The following CAB39L variants were observed in gnomAD, a reference collection of about 807,000 sequenced individuals.
CAB39L encodes calcium-binding protein 39-like.
In CAB39L, 23 loss-of-function variants were observed where a neutral mutation model predicts 39.1. The ratio of observed to expected loss-of-function variants is 0.59; its 90% CI spans 0.42 to 0.83. The LOEUF (loss-of-function observed/expected upper bound fraction) is 0.83. CAB39L is among the 40% of genes least tolerant of loss of function. The pLI is 0.00. For synonymous variants in CAB39L, 126 were observed against 137.2 expected, an observed-to-expected ratio of 0.92 and a Z score of 0.57; for missense variants, 366 against 391.9, an observed-to-expected ratio of 0.93 and a Z score of 0.56.
At chr13:49,348,440 C>T (rs914823785) in intron 7 of CAB39L, among the ~76,000 whole-genome samples, 1 of 152,088 alleles carries the variant, frequency 6.6e-6, no homozygotes, top group African/African-American at 2.4e-5. Flanking sequence ...TGGTGGTATG[C>T]GCCCGTGGTC....
chr13:49,422,178 C>A (rs1431384293), intron 3 of CAB39L, among the ~76,000 whole-genome samples: 4 of 152,140 alleles, frequency 2.6e-5, no homozygotes, highest in Non-Finnish European at 4.4e-5. Context: ...TGCACTTATA[C>A]AGTAAAAGCC....
chr13:49,407,532 G>A (rs1032502988), intron 3 of CAB39L, among the ~76,000 whole-genome samples: 1 of 151,544 alleles, frequency 6.6e-6, no homozygotes, highest in African/African-American at 2.4e-5. Context: ...GGTTTGTCAT[G>A]ATCCCCCCCC....
intron 9 of CAB39L, among the ~76,000 whole-genome samples, chr13:49,338,035 C>T (rs1005040789): frequency 1.6e-4 from 24 of 152,134 alleles, no homozygotes; most frequent in Admixed American, 1.2e-3. Flanking sequence ...ATGCTATTTA[C>T]GGGTAATTGA....
At chr13:49,412,474 T>G (rs1957009495) in intron 3 of CAB39L, among the ~76,000 whole-genome samples, 1 of 152,148 alleles carries the variant, frequency 6.6e-6, no homozygotes, top group Admixed American at 6.5e-5. Flanking sequence ...ACATGCAAAA[T>G]CTGTCATTGT....
intron 3 of CAB39L, among the ~76,000 whole-genome samples, chr13:49,387,032 C>T (rs982357787): frequency 3.7e-4 from 57 of 152,328 alleles, no homozygotes; most frequent in Non-Finnish European, 3.1e-4. Context: ...TACACAAACA[C>T]AAGACACGTA....
In CAB39L at chr13:49,376,984, GCAGGTCAGCTATCAGTGT is replaced by G. The variant is rs779959815; in HGVS notation, c.241_258del (p.Thr81_Leu86del). On this transcript the variant is annotated inframe_deletion, in exon 5 of 11. Coordinates refer to ENST00000409308, the MANE Select transcript of CAB39L (RefSeq NM_001079670.3). ...TGGCTTACCTCAAAGTCTATCAGCT[GCAGGTCAGCTATCAGTGT>G]CACTAGCAGGCCACTGCTGTAGAGT... 1 of 1,609,946 alleles carries G rather than the reference GCAGGTCAGCTATCAGTGT, an allele frequency of 6.2e-7. No individual in the cohort carries two copies. Among genetic ancestry groups the G allele is most frequent in the East Asian group, 2.2e-5 (1 of 44,884 alleles).
intron 3 of CAB39L, among the ~76,000 whole-genome samples, chr13:49,396,861 G>A (rs1270988925): frequency 6.6e-6 from 1 of 152,078 alleles, no homozygotes; most frequent in East Asian, 1.9e-4. Context: ...ATGGGATGGA[G>A]GTTACATGAG....
intron 1 of CAB39L, among the ~76,000 whole-genome samples, chr13:49,437,150 T>C (rs1285608909): frequency 6.6e-6 from 1 of 152,248 alleles, no homozygotes; most frequent in East Asian, 1.9e-4. Context: ...CTTCTGTTCA[T>C]CTTGAAATAT....
At chr13:49,319,622 A>G (rs1272084201) in intron 10 of CAB39L, among the ~76,000 whole-genome samples, 1 of 151,852 alleles carries the variant, frequency 6.6e-6, no homozygotes, top group Non-Finnish European at 1.5e-5. Flanking sequence ...ACCACAATAA[A>G]CTAAAATTGT....
At chr13:49,344,682 C>T (rs190851302) in intron 7 of CAB39L, among the ~76,000 whole-genome samples, 35 of 152,144 alleles carry the variant, frequency 2.3e-4, no homozygotes, top group Non-Finnish European at 3.7e-4. Flanking sequence ...CCACCACATC[C>T]GGCTTTTTGT....
At chr13:49,338,563 A>T (rs1001247350) in intron 9 of CAB39L, among the ~76,000 whole-genome samples, 1 of 151,694 alleles carries the variant, frequency 6.6e-6, no homozygotes, top group African/African-American at 2.4e-5. Flanking sequence ...ATGACGAGTT[A>T]GTGGGTGCAG....
At chr13:49,396,890 C>T (rs891480036) in intron 3 of CAB39L, among the ~76,000 whole-genome samples, 1 of 152,030 alleles carries the variant, frequency 6.6e-6, no homozygotes, top group Non-Finnish European at 1.5e-5. Flanking sequence ...TATGTCAATA[C>T]TAATTGAACC....
intron 6 of CAB39L, among the ~76,000 whole-genome samples, chr13:49,355,259 G>A (rs1043245974): frequency 6.6e-6 from 1 of 151,778 alleles, no homozygotes; most frequent in Non-Finnish European, 1.5e-5. Flanking sequence ...GCATGCACTT[G>A]TAGTCCCGGC....
At position 49,382,821 on chromosome 13, in the gene CAB39L, C is replaced by A. The variant is rs1306103202; in HGVS notation, c.90G>T (p.Lys30Asn). 2 of 1,608,934 alleles carry A rather than the reference C, an allele frequency of 1.2e-6. No individual in the cohort carries two copies. Among genetic ancestry groups the A allele is most frequent in the Non-Finnish European group, 1.7e-6 (2 of 1,176,686 alleles). ...TTACCTTGTCTGTCTTTTTGTCTTG[C>A]TTTTCCAAAATGGCCAAATTGTCTT... ...ILKDNLAILE[K>N]QDKKTDKASE... is the part of the protein sequence containing the mutation. The change falls in exon 4 of 11, where the codon AAG becomes AAT. Residue 30 changes from lysine (K) to asparagine (N), a missense_variant. By Grantham distance (94) the Lys-to-Asn change is moderately conservative. Coordinates refer to ENST00000409308, the MANE Select transcript of CAB39L (RefSeq NM_001079670.3).
At chr13:49,389,568 G>T (rs546529914) in intron 3 of CAB39L, among the ~76,000 whole-genome samples, 1 of 152,220 alleles carries the variant, frequency 6.6e-6, no homozygotes, top group African/African-American at 2.4e-5. Flanking sequence ...TTGAACCCAG[G>T]GGGCAGAGGT....
chr13:49,366,087 T>A (rs954564801), intron 5 of CAB39L, among the ~76,000 whole-genome samples: 3 of 152,250 alleles, frequency 2.0e-5, no homozygotes, highest in Admixed American at 6.5e-5. Flanking sequence ...CAGTTATTTG[T>A]GGGATCTAAA....
chr13:49,339,554 C>A, intron 9 of CAB39L, 123 bp downstream of exon 9: 5 of 1,072,356 alleles, frequency 4.7e-6, no homozygotes, highest in Non-Finnish European at 6.1e-6. Flanking sequence ...GTAAATACTT[C>A]TCAAGTTATT....
At chr13:49,387,716 T>C (rs778441452) in intron 3 of CAB39L, among the ~76,000 whole-genome samples, 1 of 152,030 alleles carries the variant, frequency 6.6e-6, no homozygotes, top group Non-Finnish European at 1.5e-5. Context: ...CTAGAACAGA[T>C]ATAAATTTAA....
intron 4 of CAB39L, chr13:49,382,524 T>A (rs916466379): frequency 4.4e-5 from 9 of 204,994 alleles, no homozygotes; most frequent in Non-Finnish European, 5.8e-5. Flanking sequence ...CATGTAAATG[T>A]AACATTACAC....
Sources: allele counts gnomAD v4.1 joint callset (sites outside exome capture counted in the v4.1 genomes callset), GRCh38; gene constraint gnomAD v4.1.1; transcripts MANE v1.5; gene names NCBI Gene and HGNC (gene_info 2026-07-23, HGNC 2026-07-21).